The following MYO1H variants were observed in gnomAD, a reference collection of about 807,000 sequenced individuals.
MYO1H encodes the protein myosin IH.
Under a neutral mutation model 149.3 loss-of-function variants are expected in MYO1H, and 118 were observed. The observed-to-expected ratio is 0.79, with a 90% CI of 0.68 to 0.92. The LOEUF (loss-of-function observed/expected upper bound fraction) is 0.92. MYO1H is among the 40% of genes least tolerant of loss of function. The probability of loss-of-function intolerance (pLI) is 0.00; values close to 1 mark genes in which losing one functional copy is unlikely to be tolerated. For synonymous variants in MYO1H, 447 were observed against 465.2 expected, an observed-to-expected ratio of 0.96 and a Z score of 0.50; for missense variants, 1,212 against 1,280.7, an observed-to-expected ratio of 0.95 and a Z score of 0.82.
chr12:109,334,680 T>G, the MYO1H span, among the ~76,000 whole-genome samples: 1 of 152,206 alleles, frequency 6.6e-6, no homozygotes, highest in Non-Finnish European at 1.5e-5. Flanking sequence ...CTTACAGATA[T>G]TTTCCCTCTT....
intron 19 of MYO1H, 142 bp downstream of exon 19, chr12:109,427,728 C>A: frequency 1.6e-6 from 1 of 606,232 alleles, no homozygotes; most frequent in South Asian, 1.7e-5. Context: ...CAGCTAAAAA[C>A]ACTAACATTT....
chr12:109,415,259 G>A (rs1286797513), intron 14 of MYO1H, among the ~76,000 whole-genome samples: 4 of 152,034 alleles, frequency 2.6e-5, no homozygotes, highest in African/African-American at 4.8e-5. Context: ...GGCAGATCAC[G>A]AGGTCAGGAG....
intron 15 of MYO1H, among the ~76,000 whole-genome samples, chr12:109,418,065 C>T (rs1166148443): frequency 2.6e-5 from 4 of 152,080 alleles, no homozygotes; most frequent in African/African-American, 9.7e-5. Context: ...ATCCACCCAC[C>T]TCGGCCTCCC....
chr12:109,332,000 G>A, the MYO1H span, among the ~76,000 whole-genome samples: 17 of 152,182 alleles, frequency 1.1e-4, no homozygotes, highest in African/African-American at 3.9e-4. Context: ...TTTGAGCACG[G>A]GAATAATGTT....
chr12:109,444,495 A>G, exon 30 of MYO1H: 2 of 1,613,976 alleles, frequency 1.2e-6, no homozygotes, highest in Non-Finnish European at 1.7e-6. Flanking sequence ...CATGCTGGTT[A>G]AGAAGGAGAA....
chr12:109,395,819 A>G (rs761236681), intron 3 of MYO1H, among the ~76,000 whole-genome samples: 1 of 151,292 alleles, frequency 6.6e-6, no homozygotes, highest in Non-Finnish European at 1.5e-5. Flanking sequence ...ATATTTGATT[A>G]GTCAGTGGGT....
the MYO1H span, among the ~76,000 whole-genome samples, chr12:109,316,538 G>A: frequency 6.6e-6 from 1 of 152,042 alleles, no homozygotes; most frequent in African/African-American, 2.4e-5. Flanking sequence ...TAACAATCCT[G>A]GCTGTTTGTT....
chr12:109,346,687 G>C (rs1300539822), upstream of MYO1H, among the ~76,000 whole-genome samples: 1 of 151,928 alleles, frequency 6.6e-6, no homozygotes, highest in African/African-American at 2.4e-5. Context: ...ACTTGAACCT[G>C]GGGGGCGGAG....
chr12:109,319,739 G>T, the MYO1H span, among the ~76,000 whole-genome samples: 3 of 152,044 alleles, frequency 2.0e-5, no homozygotes. Flanking sequence ...GCACTTTCTG[G>T]GTGTTGTAGG....
At chr12:109,446,202 A>G in intron 31 of MYO1H, 1 of 984,494 alleles carries the variant, frequency 1.0e-6, no homozygotes, top group Non-Finnish European at 1.2e-6. Context: ...TACGTTAGGG[A>G]GAAGTCTAGC....
intron 15 of MYO1H, among the ~76,000 whole-genome samples, chr12:109,417,028 G>A (rs1366601951): frequency 2.6e-5 from 4 of 151,412 alleles, no homozygotes; most frequent in South Asian, 2.1e-4. Context: ...AAAATTAGCC[G>A]GTCGTGGTGG....
chr12:109,401,149 C>T lies in MYO1H; in HGVS notation c.627C>T (p.Val209=), dbSNP rs138935511. 1.4e-4 allele frequency: 227 copies of T among 1,613,954 alleles called. No homozygotes were observed. The Middle Eastern group carries it at 6.8e-3, about 48-fold the overall frequency. ...ACTTGATAGAGAAGTCCCGAGTTGT[C>T]TACCAAAACGAAGGCGAGCGGAATT... The change falls in exon 6 of 32, where the codon GTC becomes GTT. Residue 209 remains valine (V), a synonymous_variant. Coordinates refer to ENST00000310903, the Ensembl canonical transcript of MYO1H.
At chr12:109,366,028 C>T (rs550704806) in intron 1 of MYO1H, among the ~76,000 whole-genome samples, 3 of 152,296 alleles carry the variant, frequency 2.0e-5, no homozygotes, top group South Asian at 2.1e-4. Flanking sequence ...GAGGATCTAA[C>T]GCCTGGTGAT....
chr12:109,421,013 A>G lies in MYO1H; in HGVS notation c.1630A>G (p.Arg544Gly), dbSNP rs1871152616. The G allele has an allele frequency of 6.3e-7, 1 of 1,587,134 alleles. No individual in the cohort carries two copies. Among genetic ancestry groups the G allele is most frequent in the African/African-American group, 1.3e-5 (1 of 74,380 alleles). ...GGAAAAAAACAATGATCTTCTTTAC[A>G]GACATCTGAAAGAAGTAAGTCTGAC... Residue 544 changes from arginine to glycine, a missense_variant, in exon 16 of 32, where the codon AGA becomes GGA. Arg to Gly is a moderately radical substitution (Grantham distance 125). Coordinates refer to ENST00000310903, the Ensembl canonical transcript of MYO1H.
chr12:109,401,236 C>G (rs1166049825), exon 6 of MYO1H: 11 of 1,613,160 alleles, frequency 6.8e-6, no homozygotes, highest in Admixed American at 1.7e-5. Context: ...ACCTGGGACT[C>G]GAGCGAGACC....
chr12:109,418,509 C>A (rs1254865865), intron 15 of MYO1H, among the ~76,000 whole-genome samples: 1 of 151,882 alleles, frequency 6.6e-6, no homozygotes, highest in Non-Finnish European at 1.5e-5. Context: ...GCCACCACGC[C>A]CAACTAATTT....
At chr12:109,397,458 T>A (rs140830816) in intron 4 of MYO1H, among the ~76,000 whole-genome samples, 1 of 152,270 alleles carries the variant, frequency 6.6e-6, no homozygotes, top group East Asian at 1.9e-4. Flanking sequence ...GGGCTAGGGT[T>A]CTATGTACCC....
At chr12:109,321,614 G>A in the MYO1H span, among the ~76,000 whole-genome samples, 1 of 152,168 alleles carries the variant, frequency 6.6e-6, no homozygotes, top group Non-Finnish European at 1.5e-5. Flanking sequence ...AAGGTCAGGT[G>A]TTCATATGAC....
Position 109,446,539 on chromosome 12 carries a change from A to G in MYO1H, c.3094-620A>G, listed in dbSNP as rs1438945143. On this transcript the variant is annotated intron_variant, in intron 31 of 31. Transcript: ENST00000310903. The stretch of plus-strand genomic sequence containing the variant: ...AGCACTTTGGGAGGCCGAGATGGGC[A>G]GATCACCTGAGGTCAGGAGTTCGAG... The G allele has an allele frequency of 1.0e-5, 8 of 779,204 alleles. No homozygotes were observed. In the African/African-American group the frequency reaches 1.5e-4, roughly 15 times the overall value. 48.3% of individuals were successfully genotyped at this position (779,204 alleles called of 1,614,324 possible).
Sources: allele counts gnomAD v4.1 joint callset (sites outside exome capture counted in the v4.1 genomes callset), GRCh38; gene constraint gnomAD v4.1.1; transcripts MANE v1.5; gene names NCBI Gene and HGNC (gene_info 2026-07-23, HGNC 2026-07-21).